TP73: variants seen among roughly 807,000 people sequenced by gnomAD.
TP73 encodes tumor protein p73.
TP73 carries 25 observed loss-of-function variants against 62.5 expected under a neutral mutation model. That is an observed-to-expected ratio of 0.40 (90% CI 0.29 to 0.56). The LOEUF is 0.56. TP73 is among the 20% of genes least tolerant of loss of function. The probability of loss-of-function intolerance (pLI) is 0.46; values close to 1 mark genes in which losing one functional copy is unlikely to be tolerated. For missense variants in TP73, 754 were observed against 913.3 expected, an observed-to-expected ratio of 0.83 and a Z score of 2.25; for synonymous variants, 423 against 377.5, an observed-to-expected ratio of 1.12 and a Z score of -1.40.
chr1:3,719,124 G>A (rs1211088220), intron 4 of TP73, among the ~76,000 whole-genome samples: 2 of 151,938 alleles, frequency 1.3e-5, no homozygotes, highest in African/African-American at 4.9e-5. Flanking sequence ...CCCCGGCCGG[G>A]GTCTGTTTCA....
In TP73 at chr1:3,699,671, C is replaced by T. The variant is rs922939413; in HGVS notation, c.187-7878C>T. 1.3e-5 allele frequency among the ~76,000 whole-genome samples: 2 copies of T among 152,206 alleles called. No homozygotes were observed. The highest frequency in any genetic ancestry group is 2.4e-5 in the African/African-American group (1 of 41,460). ...CTGCCCCGTCTGGAGCTCCCGGTTCCTGTCCTAGTTGAACAGAATGAATGA... is the reference window on the plus strand; with the variant it reads ...CTGCCCCGTCTGGAGCTCCCGGTTCTTGTCCTAGTTGAACAGAATGAATGA... On this transcript the variant is annotated intron_variant, in intron 3 of 13. Coordinates refer to ENST00000378295, the MANE Select transcript of TP73 (RefSeq NM_005427.4). The surrounding 1 kb of genome is among the most constrained non-coding windows in gnomAD (Gnocchi z 4.1).
At chr1:3,681,263 G>A (rs1352788500) in intron 1 of TP73, among the ~76,000 whole-genome samples, 4 of 152,206 alleles carry the variant, frequency 2.6e-5, no homozygotes, top group African/African-American at 7.2e-5. Context: ...ATTGCAGGGC[G>A]GTGGCCAAGC....
intron 7 of TP73, 141 bp downstream of exon 7, chr1:3,727,365 C>T (rs1013607928): frequency 2.0e-5 from 20 of 986,622 alleles, no homozygotes; most frequent in African/African-American, 6.5e-5. Flanking sequence ...AGGAAGGAAC[C>T]GCCCCCTGGC....
intron 3 of TP73, among the ~76,000 whole-genome samples, chr1:3,698,999 G>T (rs1638919888): frequency 6.6e-6 from 1 of 151,542 alleles, no homozygotes. Flanking sequence ...CCCTGGCACG[G>T]GATTGGGCAA....
In TP73 at chr1:3,661,836, TATATA is replaced by T. The variant is rs930160879; in HGVS notation, c.-34+9201_-34+9205del. On this transcript the variant is annotated intron_variant, in intron 1 of 13. Transcript: ENST00000378295. ...ATGTATTATATATATACACGCTATA[TATATA>T]ATATATGTATTATATATATACACAC... Among the ~76,000 whole-genome samples the T allele has an allele frequency of 1.3e-3, 191 of 147,950 alleles. 1 individual carries two copies. The highest frequency in any genetic ancestry group is 4.7e-3 in the Admixed American group (69 of 14,766).
chr1:3,729,177 A>G, intron 9 of TP73, 150 bp from the exon 10 acceptor site: 1 of 1,077,768 alleles, frequency 9.3e-7, no homozygotes, highest in Non-Finnish European at 1.3e-6. Context: ...AAGAGGAAAG[A>G]AGATCAGGGG....
At chr1:3,692,933 C>T (rs1004374812) in intron 3 of TP73, among the ~76,000 whole-genome samples, 18 of 152,214 alleles carry the variant, frequency 1.2e-4, no homozygotes, top group Non-Finnish European at 2.2e-4. Flanking sequence ...GCCCGGTGCC[C>T]TGGGCGTCAG....
chr1:3,686,815 G>C (rs919474309), intron 3 of TP73, among the ~76,000 whole-genome samples: 1 of 152,172 alleles, frequency 6.6e-6, no homozygotes, highest in Non-Finnish European at 1.5e-5. Context: ...CTTCTGAGCT[G>C]GGCAACTTTT....
intron 1 of TP73, among the ~76,000 whole-genome samples, chr1:3,673,965 T>C (rs1645302236): frequency 6.6e-6 from 1 of 152,112 alleles, no homozygotes; most frequent in African/African-American, 2.4e-5. Context: ...GCCAGGCTGC[T>C]GGGTTCGACC....
At chr1:3,675,910 G>T (rs1026074624) in intron 1 of TP73, among the ~76,000 whole-genome samples, 1 of 152,182 alleles carries the variant, frequency 6.6e-6, no homozygotes, top group Non-Finnish European at 1.5e-5. Flanking sequence ...GAGAGGATGG[G>T]GCGTCAGCCG....
At chr1:3,728,395 G>T (rs559189947) in intron 9 of TP73, among the ~76,000 whole-genome samples, 178 bp downstream of exon 9, 40 of 152,342 alleles carry the variant, frequency 2.6e-4, no homozygotes, top group African/African-American at 9.4e-4. Context: ...AGACCAGCAG[G>T]ACCCAACTGC....
chr1:3,671,133 C>T (rs1448517096), intron 1 of TP73, among the ~76,000 whole-genome samples: 3 of 152,142 alleles, frequency 2.0e-5, no homozygotes, highest in Non-Finnish European at 4.4e-5. Flanking sequence ...GCTGGAAGCA[C>T]AGGTCGGCTG....
chr1:3,689,246 C>T (rs979411585), intron 3 of TP73, among the ~76,000 whole-genome samples: 3 of 152,194 alleles, frequency 2.0e-5, no homozygotes, highest in African/African-American at 4.8e-5. Flanking sequence ...GGGCCCCAGC[C>T]GACCCCCTGC....
intron 6 of TP73, among the ~76,000 whole-genome samples, chr1:3,726,911 A>G (rs72634689): frequency 1.0e-3 from 22 of 20,988 alleles, no homozygotes; most frequent in South Asian, 1.8e-3. Flanking sequence ...CGATGGATGG[A>G]TGGATGGACG....
In TP73 at chr1:3,666,150, AAG is replaced by A. The variant is rs1419088937; in HGVS notation, c.-34+13527_-34+13528del. Among the ~76,000 whole-genome samples, 135 of 138,666 alleles carry A rather than the reference AAG, an allele frequency of 9.7e-4. 2 individuals are homozygous for A. Among genetic ancestry groups the A allele is most frequent in the African/African-American group, 1.6e-3 (56 of 34,034 alleles). 91.0% of individuals were successfully genotyped at this position (138,666 alleles called of 152,430 possible). The stretch of plus-strand genomic sequence containing the variant: ...AAAAAAAAAAAAAAAAAAAAAAAAA[AAG>A]AGAGAGAGAGAGAGAGAATCTCACT... On this transcript the variant is annotated intron_variant, in intron 1 of 13. Coordinates refer to ENST00000378295, the MANE Select transcript of TP73 (RefSeq NM_005427.4). This position sits in a 1 kb window ranked among gnomAD's most constrained non-coding sequence, Gnocchi z 6.4.
chr1:3,693,592 C>G (rs1034691437), intron 3 of TP73, among the ~76,000 whole-genome samples: 1 of 152,128 alleles, frequency 6.6e-6, no homozygotes, highest in South Asian at 2.1e-4. Context: ...CGTAGCTGCT[C>G]GGCTGCGGGG....
chr1:3,705,734 C>T (rs149306245), intron 3 of TP73, among the ~76,000 whole-genome samples: 1 of 152,370 alleles, frequency 6.6e-6, no homozygotes, highest in African/African-American at 2.4e-5. Context: ...GCTGCCTCCA[C>T]GTTGGACTGC....
chr1:3,658,118 T>G (rs889048375), intron 1 of TP73, among the ~76,000 whole-genome samples: 2 of 152,134 alleles, frequency 1.3e-5, no homozygotes, highest in Admixed American at 6.5e-5. Context: ...GGAAGGGCCC[T>G]GCTGGGGCCA....
At chr1:3,654,355 A>G (rs1438175465) in intron 1 of TP73, among the ~76,000 whole-genome samples, 1 of 152,156 alleles carries the variant, frequency 6.6e-6, no homozygotes, top group Admixed American at 6.5e-5. Flanking sequence ...CTTCTCGTGA[A>G]AGCTACAGCG....
Sources: gnomAD v4.1 joint callset for allele counts (sites outside exome capture counted in the v4.1 genomes callset) on GRCh38, gnomAD v4.1.1 for gene constraint, Gnocchi (gnomAD v3.1) non-coding constraint, MANE v1.5 for transcripts, NCBI Gene and HGNC (gene_info 2026-07-23, HGNC 2026-07-21) for gene names.